HAUS7: variants seen among roughly 807,000 people sequenced by gnomAD.
The protein encoded by HAUS7 is HAUS augmin like complex subunit 7.
Under a neutral mutation model 28.4 loss-of-function variants are expected in HAUS7, and 3 were observed. That is an observed-to-expected ratio of 0.11 (90% CI 0.05 to 0.27). The LOEUF is 0.27. Among genes scored for constraint, HAUS7 ranks in the 10% least tolerant of loss-of-function variants. HAUS7 has a pLI of 1.00. For synonymous variants in HAUS7, 165 were observed against 132.1 expected, an observed-to-expected ratio of 1.25 and a Z score of -1.71; for missense variants, 284 against 297.3, an observed-to-expected ratio of 0.96 and a Z score of 0.33.
At chrX:153,482,463 C>T (rs1357817664) in intron 1 of HAUS7, 2 of 755,242 alleles carry the variant, frequency 2.6e-6, no homozygotes, top group Non-Finnish European at 3.1e-6. Flanking sequence ...TTCCGTGGTG[C>T]GGGCGAGTTC....
intron 4 of HAUS7, among the ~76,000 whole-genome samples, chrX:153,460,294 G>C (rs1201414431): frequency 8.9e-6 from 1 of 111,817 alleles, no homozygotes; most frequent in East Asian, 2.8e-4. Flanking sequence ...GGGTCTTTTG[G>C]GGGTGATGAA....
chrX:153,456,472 G>A, intron 6 of HAUS7, 21 bp downstream of exon 6: 1 of 1,179,052 alleles, frequency 8.5e-7, no homozygotes, highest in Non-Finnish European at 1.1e-6. Flanking sequence ...TGCTGCCACT[G>A]AGGCCTCCAG....
chrX:153,454,567 C>G (rs921185281), intron 8 of HAUS7, 59 bp from the exon 9 acceptor site: 3 of 642,807 alleles, frequency 4.7e-6, no homozygotes, highest in Non-Finnish European at 4.9e-6. Context: ...CACTAAATGC[C>G]GCTGGTCTCA....
chrX:153,491,157 T>G (rs1711626270), intron 1 of HAUS7, among the ~76,000 whole-genome samples: 1 of 111,350 alleles, frequency 9.0e-6, no homozygotes, highest in Non-Finnish European at 1.9e-5. Flanking sequence ...GCCCAGTTCT[T>G]GTTTCCAGAC....
At chrX:153,488,474 C>A (rs1247438920) in intron 1 of HAUS7, among the ~76,000 whole-genome samples, 1 of 113,126 alleles carries the variant, frequency 8.8e-6, no homozygotes, top group Non-Finnish European at 1.9e-5. Flanking sequence ...CCTGCCCCCA[C>A]CCCTGAGTTC....
At chrX:153,455,016 G>C (rs1556981783) in intron 8 of HAUS7, 2 of 1,023,032 alleles carry the variant, frequency 2.0e-6, no homozygotes. Flanking sequence ...TGTAGTCATC[G>C]TAACTAAAGC....
At chrX:153,477,440 G>A (rs1178559344) in intron 1 of HAUS7, among the ~76,000 whole-genome samples, 1 of 113,528 alleles carries the variant, frequency 8.8e-6, no homozygotes, top group Non-Finnish European at 1.9e-5. Flanking sequence ...TTTCTCAGGC[G>A]ATGCCTGGAC....
At chrX:153,457,392 T>C in intron 4 of HAUS7, among the ~76,000 whole-genome samples, 164 bp from the exon 5 acceptor site, 1 of 113,197 alleles carries the variant, frequency 8.8e-6, no homozygotes, top group Non-Finnish European at 1.9e-5. Flanking sequence ...TGTCTTGGAC[T>C]AGCAAGTGCT....
At chrX:153,468,903 C>A (rs1411244729) in intron 2 of HAUS7, among the ~76,000 whole-genome samples, 1 of 113,226 alleles carries the variant, frequency 8.8e-6, no homozygotes, top group Admixed American at 9.2e-5. Context: ...AAGTTCAGCA[C>A]TGCAGCAAAG....
chrX:153,469,352 C>CAAAA, intron 1 of HAUS7, 91 bp from the exon 2 acceptor site: 1 of 461,663 alleles, frequency 2.2e-6, no homozygotes, highest in Non-Finnish European at 3.8e-6. Flanking sequence ...GACGGAGTCT[C>CAAAA]ACTCTGTCGC....
Position 153,456,639 on chromosome X carries a change from G to C in HAUS7, c.459C>G (p.His153Gln), listed in dbSNP as rs781892368. The C allele has an allele frequency of 8.5e-7, 1 of 1,179,015 alleles. No homozygotes were observed. Among genetic ancestry groups the C allele is most frequent in the Non-Finnish European group, 1.1e-6 (1 of 877,465 alleles). ...CGTTCTTCTCCCTGGTGTCCTCGAA[G>C]TGCTCCATCAGGCTGCAAAGGCAGC... ...GCSSCSSLMEHFEDTREKNEA... is the reference protein window; with the variant it reads ...GCSSCSSLMEQFEDTREKNEA... Residue 153 changes from histidine to glutamine, a missense_variant, in exon 6 of 10, where the codon CAC becomes CAG. His to Gln is a conservative substitution (Grantham distance 24, BLOSUM62 0). Transcript: ENST00000370211.
In HAUS7 at chrX:153,456,626, T is replaced by G; in HGVS notation, c.472A>C (p.Arg158=). The change falls in exon 6 of 10, where the codon AGG becomes CGG. Residue 158 remains arginine (R), a synonymous_variant. Transcript: ENST00000370211. ...SSLMEHFEDT[R]EKNEALLGEL... is the part of the protein sequence containing the mutation. ...CCCAGCAAGGCCTCGTTCTTCTCCC[T>G]GGTGTCCTCGAAGTGCTCCATCAGG... is the stretch of plus-strand genomic sequence containing the variant. 4 of 1,181,965 alleles carry G rather than the reference T, an allele frequency of 3.4e-6. No homozygotes were observed. The highest frequency in any genetic ancestry group is 4.6e-6 in the Non-Finnish European group (4 of 879,014).
chrX:153,450,443 T>A (rs1556980872), intron 9 of HAUS7, among the ~76,000 whole-genome samples: 1 of 111,868 alleles, frequency 8.9e-6, no homozygotes. Context: ...CACTGCCCTG[T>A]CCCTGGCACC....
upstream of HAUS7, among the ~76,000 whole-genome samples, chrX:153,475,248 C>T (rs2124164614): frequency 8.9e-6 from 1 of 112,378 alleles, no homozygotes; most frequent in Non-Finnish European, 1.9e-5. Context: ...ATCCCGACCA[C>T]GGCCCTGCTC....
exon 1 of HAUS7, chrX:153,495,422 C>G (rs1342943918): frequency 8.9e-6 from 1 of 112,333 alleles, no homozygotes; most frequent in Non-Finnish European, 1.9e-5. Context: ...CGCTCGGGGT[C>G]CGTCTTCTTG....
At chrX:153,494,755 T>TGGGG (rs2089695243) in intron 1 of HAUS7, among the ~76,000 whole-genome samples, 8 of 4,229 alleles carry the variant, frequency 1.9e-3, no homozygotes, top group African/African-American at 1.6e-3. Flanking sequence ...GGGGAGGTGG[T>TGGGG]GGGGGCGAGG....
At chrX:153,479,224 A>G in intron 1 of HAUS7, 1 of 452,226 alleles carries the variant, frequency 2.2e-6, no homozygotes, top group Non-Finnish European at 2.8e-6. Context: ...CGTGGCCACC[A>G]CCGTGCCTCT....
intron 6 of HAUS7, 64 bp downstream of exon 6, chrX:153,456,429 C>G (rs1556982203): frequency 8.5e-7 from 1 of 1,181,492 alleles, no homozygotes; most frequent in African/African-American, 1.7e-5. Context: ...GTAACAGAAC[C>G]AAGCAGCCTG....
chrX:153,454,531 AG>A, intron 8 of HAUS7, 23 bp from the exon 9 acceptor site: 4 of 74,242 alleles, frequency 5.4e-5, no homozygotes, highest in South Asian at 1.2e-4. Context: ...GGAGGGAGGG[AG>A]GGAGGGAGGG....
Sources: allele counts gnomAD v4.1 joint callset (sites outside exome capture counted in the v4.1 genomes callset), GRCh38; gene constraint gnomAD v4.1.1; transcripts MANE v1.5; gene names NCBI Gene and HGNC (gene_info 2026-07-23, HGNC 2026-07-21).